The following DNAH6 variants were observed in gnomAD, a reference collection of about 807,000 sequenced individuals.
The protein encoded by DNAH6 is dynein axonemal heavy chain 6.
A neutral mutation model predicts 491.4 loss-of-function variants in DNAH6; 340 were observed. That is an observed-to-expected ratio of 0.69 (90% CI 0.63 to 0.76). The LOEUF is 0.76. Ranked by LOEUF, DNAH6 falls within the 30% of genes least tolerant of loss-of-function variation. The pLI, the probability that DNAH6 is intolerant of heterozygous loss-of-function variation, is 0.00. For synonymous variants in DNAH6, 1,603 were observed against 1,686.1 expected (o/e 0.95, Z 1.21); for missense variants, 4,443 against 4,972.2 (o/e 0.89, Z 3.20).
the DNAH6 span, among the ~76,000 whole-genome samples, chr2:84,488,470 T>C: frequency 2.6e-5 from 4 of 152,178 alleles, no homozygotes; most frequent in Non-Finnish European, 4.4e-5. Context: ...GTATTGGCAG[T>C]GATGCATCCC....
intron 37 of DNAH6, among the ~76,000 whole-genome samples, chr2:84,662,944 G>T (rs7600126): frequency 0.77 from 116,395 of 152,056 alleles, 46,815 homozygotes; most frequent in East Asian, 0.93. Flanking sequence ...TTGCTGTTCT[G>T]CAGCCTCTGC....
the DNAH6 span, among the ~76,000 whole-genome samples, chr2:84,465,389 G>A: frequency 3.9e-5 from 6 of 152,198 alleles, no homozygotes; most frequent in African/African-American, 1.2e-4. Context: ...CAGCTACTTG[G>A]GAGACTGAGG....
At chr2:84,791,189 C>CG (rs1677703993) in intron 68 of DNAH6, among the ~76,000 whole-genome samples, 1 of 114,306 alleles carries the variant, frequency 8.7e-6, no homozygotes, top group African/African-American at 3.0e-5. Context: ...AACTCCATCT[C>CG]AAAAAAAAAA....
the DNAH6 span, among the ~76,000 whole-genome samples, chr2:84,470,267 A>G: frequency 0.022 from 3,312 of 152,312 alleles, 119 homozygotes; most frequent in African/African-American, 0.076. Flanking sequence ...AAAGGTCCCA[A>G]TCCAGACCCC....
At chr2:84,748,016 A>C (rs1673129348) in intron 63 of DNAH6, among the ~76,000 whole-genome samples, 2 of 152,184 alleles carry the variant, frequency 1.3e-5, no homozygotes, top group South Asian at 4.1e-4. Context: ...GCGACGCCCA[A>C]GGCTTGTCTA....
intron 9 of DNAH6, among the ~76,000 whole-genome samples, chr2:84,550,942 G>A (rs1323006990): frequency 6.6e-6 from 1 of 152,198 alleles, no homozygotes; most frequent in Non-Finnish European, 1.5e-5. Context: ...ATGTTTGGAT[G>A]AAGTAGTACA....
chr2:84,472,152 TAATA>T, the DNAH6 span, among the ~76,000 whole-genome samples: 1 of 152,052 alleles, frequency 6.6e-6, no homozygotes, highest in African/African-American at 2.4e-5. Flanking sequence ...AATGTAATGT[TAATA>T]AAGCTAGATG....
intron 70 of DNAH6, among the ~76,000 whole-genome samples, chr2:84,804,981 T>A (rs76686365): frequency 7.5e-6 from 1 of 134,180 alleles, no homozygotes; most frequent in East Asian, 2.0e-4. Context: ...ACCCAGCTAA[T>A]TTTTTTTTTT....
Position 84,670,449 on chromosome 2 carries a change from TG to T in DNAH6, c.6430del (p.Glu2144ArgfsTer8). On this transcript the variant is annotated frameshift_variant, in exon 39 of 77. Coordinates refer to ENST00000389394, the MANE Select transcript of DNAH6 (RefSeq NM_001370.2). LOFTEE classifies it high-confidence loss of function. ...ARTQEIIESK[L>X]ERKRKNILGA... ...ACACAAGAGATCATTGAGTCAAAAC[TG>T]GAGAGAAAAAGAAAAAATATTCTAG... The T allele has an allele frequency of 6.5e-7, 1 of 1,534,858 alleles. No homozygotes were observed. The highest frequency in any genetic ancestry group is 8.8e-7 in the Non-Finnish European group (1 of 1,141,638).
chr2:84,710,487 T>A, intron 56 of DNAH6, 75 bp downstream of exon 56: 1 of 1,424,266 alleles, frequency 7.0e-7, no homozygotes, highest in Non-Finnish European at 9.6e-7. Context: ...ATAGGCCACA[T>A]CCCCATCATG....
Position 84,762,954 on chromosome 2 carries a change from A to T in DNAH6, c.10703+9A>T. 6.5e-7 allele frequency: 1 copy of T among 1,547,110 alleles called. No homozygotes were observed. The highest frequency in any genetic ancestry group is 8.7e-7 in the Non-Finnish European group (1 of 1,144,154). ...AGTGGATATTCAGAACGGTAAGTTCATGTTGTGCAGTTTTAATAATGCAAA... is the reference window on the plus strand; with the variant it reads ...AGTGGATATTCAGAACGGTAAGTTCTTGTTGTGCAGTTTTAATAATGCAAA... On this transcript the variant is annotated intron_variant, in intron 64 of 76. Transcript: ENST00000389394.
At chr2:84,724,148 T>A (rs563706618) in intron 60 of DNAH6, among the ~76,000 whole-genome samples, 4 of 152,170 alleles carry the variant, frequency 2.6e-5, no homozygotes, top group African/African-American at 9.7e-5. Flanking sequence ...ACCCTACCCA[T>A]GACACAACTC....
Position 84,520,625 on chromosome 2 carries a change from T to A in DNAH6, c.225+2574T>A, listed in dbSNP as rs1488666037. Among the ~76,000 whole-genome samples, 3 of 152,120 alleles carry A rather than the reference T, an allele frequency of 2.0e-5. No homozygotes were observed. The East Asian group carries it at 5.8e-4, about 29-fold the overall frequency. On this transcript the variant is annotated intron_variant, in intron 2 of 76. Coordinates refer to ENST00000389394, the MANE Select transcript of DNAH6 (RefSeq NM_001370.2). ...AGGGTCTCTTGTACCTCTCTTTTTG[T>A]TCATGTGTTGTCATCATTTGGTTTT...
intron 35 of DNAH6, among the ~76,000 whole-genome samples, chr2:84,656,111 C>G (rs1690945938): frequency 6.6e-6 from 1 of 152,004 alleles, no homozygotes. Flanking sequence ...TAAGATACTT[C>G]CATGTCTTTC....
At chr2:84,557,643 C>T (rs1195826880) in intron 10 of DNAH6, 92 bp from the exon 11 acceptor site, 16 of 236,280 alleles carry the variant, frequency 6.8e-5, no homozygotes, top group African/African-American at 1.4e-4. Context: ...GGCGACAGAG[C>T]GAGACTCCGT....
chr2:84,676,465 T>C (rs1339025117), intron 40 of DNAH6, among the ~76,000 whole-genome samples: 2 of 152,204 alleles, frequency 1.3e-5, no homozygotes, highest in Non-Finnish European at 2.9e-5. Flanking sequence ...TGACTAATAG[T>C]GCTGTGGTCC....
chr2:84,608,904 T>G (rs1036518187), intron 21 of DNAH6, among the ~76,000 whole-genome samples: 3 of 152,210 alleles, frequency 2.0e-5, no homozygotes, highest in African/African-American at 7.2e-5. Flanking sequence ...AATCTGTTGT[T>G]GAGAGTAGCC....
chr2:84,678,096 A>G (rs984181626), intron 41 of DNAH6, among the ~76,000 whole-genome samples: 52 of 152,318 alleles, frequency 3.4e-4, no homozygotes, highest in African/African-American at 1.2e-3. Flanking sequence ...CCTTCAGTAC[A>G]TGGAAAGGAA....
intron 30 of DNAH6, among the ~76,000 whole-genome samples, chr2:84,635,120 G>A (rs1468891624): frequency 2.0e-5 from 3 of 152,158 alleles, no homozygotes; most frequent in Non-Finnish European, 2.9e-5. Flanking sequence ...GGCACAGCAC[G>A]GGGGACTCTG....
Sources: allele counts gnomAD v4.1 joint callset (sites outside exome capture counted in the v4.1 genomes callset), GRCh38; gene constraint gnomAD v4.1.1; transcripts MANE v1.5; gene names NCBI Gene and HGNC (gene_info 2026-07-23, HGNC 2026-07-21).